Variants in PCCA observed in about 807,000 individuals in gnomAD.
PCCA encodes the protein propionyl-CoA carboxylase subunit alpha.
Under a neutral mutation model 101.3 loss-of-function variants are expected in PCCA, and 74 were observed. The ratio of observed to expected loss-of-function variants is 0.73; its 90% CI spans 0.61 to 0.89. PCCA has a LOEUF of 0.89. PCCA is among the 40% of genes least tolerant of loss of function. The pLI is 0.00. For missense variants in PCCA, 891 were observed against 907.0 expected (o/e 0.98, Z 0.23); for synonymous variants, 294 against 313.6 (o/e 0.94, Z 0.66).
chr13:100,223,387 T>C (rs993460873), intron 7 of PCCA, among the ~76,000 whole-genome samples: 3 of 152,238 alleles, frequency 2.0e-5, no homozygotes, highest in Middle Eastern at 3.4e-3. Flanking sequence ...TTCGTGGTCT[T>C]GCTGGCTCAG....
intron 21 of PCCA, among the ~76,000 whole-genome samples, chr13:100,497,367 G>A (rs1428292588): frequency 6.6e-6 from 1 of 152,156 alleles, no homozygotes; most frequent in Non-Finnish European, 1.5e-5. Flanking sequence ...TTTGAAGTAT[G>A]CATCTGAGAA....
At chr13:100,183,166 T>A (rs1047410103) in intron 6 of PCCA, among the ~76,000 whole-genome samples, 2 of 152,026 alleles carry the variant, frequency 1.3e-5, no homozygotes, top group Non-Finnish European at 2.9e-5. Flanking sequence ...GTACGAAGGA[T>A]TCATGAGGGG....
chr13:100,489,147 TACA>T (rs2152978063), intron 21 of PCCA, among the ~76,000 whole-genome samples: 1 of 140,932 alleles, frequency 7.1e-6, no homozygotes, highest in African/African-American at 2.4e-5. Flanking sequence ...CTACTAAAAA[TACA>T]AAAAAAAATT....
At chr13:100,414,689 A>G (rs576433867) in intron 19 of PCCA, among the ~76,000 whole-genome samples, 2 of 152,350 alleles carry the variant, frequency 1.3e-5, no homozygotes, top group South Asian at 4.1e-4. Context: ...TTAGTGAACT[A>G]TAATAACGTT....
intron 18 of PCCA, among the ~76,000 whole-genome samples, chr13:100,365,189 G>C (rs1215465334): frequency 3.9e-5 from 6 of 152,216 alleles, no homozygotes; most frequent in Non-Finnish European, 8.8e-5. Context: ...GATTGAATAA[G>C]TTCTCAGGTA....
chr13:100,374,334 T>G (rs2075765660), intron 19 of PCCA, among the ~76,000 whole-genome samples: 1 of 152,188 alleles, frequency 6.6e-6, no homozygotes, highest in Non-Finnish European at 1.5e-5. Flanking sequence ...GAAATATTAT[T>G]CAGCTTGTCA....
At chr13:100,371,268 G>A (rs1465326905) in intron 19 of PCCA, among the ~76,000 whole-genome samples, 3 of 152,078 alleles carry the variant, frequency 2.0e-5, no homozygotes, top group African/African-American at 7.2e-5. Context: ...CATACTTAAT[G>A]GCACCATTTA....
At chr13:100,119,701 T>G (rs1317118612) in intron 4 of PCCA, among the ~76,000 whole-genome samples, 1 of 152,112 alleles carries the variant, frequency 6.6e-6, no homozygotes, top group Admixed American at 6.5e-5. Context: ...ATGTAATCTT[T>G]GAGCCTCCTG....
chr13:100,445,185 G>A (rs939135123), intron 20 of PCCA, among the ~76,000 whole-genome samples: 5 of 152,116 alleles, frequency 3.3e-5, no homozygotes, highest in Middle Eastern at 3.2e-3. Context: ...GCTTGAACTC[G>A]CCCTCAAAGA....
At chr13:100,275,621 G>T (rs1381260182) in intron 12 of PCCA, among the ~76,000 whole-genome samples, 6 of 152,052 alleles carry the variant, frequency 3.9e-5, no homozygotes, top group African/African-American at 1.2e-4. Context: ...TGGTATTTTT[G>T]AGTTTAAATT....
chr13:100,388,884 G>A (rs569894120), intron 19 of PCCA, among the ~76,000 whole-genome samples: 1 of 152,322 alleles, frequency 6.6e-6, no homozygotes, highest in Non-Finnish European at 1.5e-5. Context: ...AATGAACAGT[G>A]GAGCCATCTG....
chr13:100,096,582 G>A (rs2046795575), intron 1 of PCCA, among the ~76,000 whole-genome samples: 7 of 152,216 alleles, frequency 4.6e-5, no homozygotes, highest in Admixed American at 4.6e-4. Flanking sequence ...AGTGAGGAAG[G>A]CCTGTCAAAA....
rs548521678 is a variant in PCCA, at chr13:100,530,272, C to T, written c.*106C>T. 75 of 889,376 alleles carry T rather than the reference C, an allele frequency of 8.4e-5. No homozygotes were observed. The Admixed American group carries it at 1.1e-3, about 13-fold the overall frequency. The allele number at this position is 889,376 out of a possible 1,614,324, so 55.1% of individuals were successfully genotyped here. ...ATACAGGAACACCCCTGTGCAGCTA[C>T]GTTTACGTCGTCATTTATTCCACAG... On this transcript the variant is annotated 3_prime_UTR_variant, in exon 24 of 24. Coordinates refer to ENST00000376285, the MANE Select transcript of PCCA (RefSeq NM_000282.4).
chr13:100,205,353 C>A (rs960275886), intron 6 of PCCA, among the ~76,000 whole-genome samples: 1 of 152,178 alleles, frequency 6.6e-6, no homozygotes, highest in Non-Finnish European at 1.5e-5. Context: ...AGCCAAGAGC[C>A]TCTAATGTTG....
At position 100,268,767 on chromosome 13, in the gene PCCA, G is replaced by T; in HGVS notation, c.898G>T (p.Val300Leu). The T allele has an allele frequency of 6.2e-7, 1 of 1,613,446 alleles. No homozygotes were observed. The highest frequency in any genetic ancestry group is 8.5e-7 in the Non-Finnish European group (1 of 1,179,328). The change falls in exon 11 of 24, where the codon GTG becomes TTG. Residue 300 changes from valine to leucine, a missense_variant. Transcript: ENST00000376285. Reference protein sequence around the residue: ...CSIQRRNQKVVEEAPSIFLDA... With the variant: ...CSIQRRNQKVLEEAPSIFLDA... Reference sequence around the variant, plus strand: ...AATTCAGAGAAGAAATCAGAAGGTGGTGGAGGAAGCACCAAGGTAAGTCTC... The same window carrying T: ...AATTCAGAGAAGAAATCAGAAGGTGTTGGAGGAAGCACCAAGGTAAGTCTC...
intron 21 of PCCA, among the ~76,000 whole-genome samples, chr13:100,507,760 G>A (rs534556445): frequency 3.9e-5 from 6 of 151,944 alleles, no homozygotes; most frequent in Admixed American, 2.0e-4. Context: ...AGGTTCAAGC[G>A]ATTCTTCTGC....
At chr13:100,287,767 T>TC (rs2064801522) in intron 12 of PCCA, among the ~76,000 whole-genome samples, 1 of 152,068 alleles carries the variant, frequency 6.6e-6, no homozygotes, top group Non-Finnish European at 1.5e-5. Flanking sequence ...TACCATAGCT[T>TC]CATGATTAGT....
chr13:100,257,748 G>C, intron 9 of PCCA, 75 bp downstream of exon 9: 1 of 966,672 alleles, frequency 1.0e-6, no homozygotes, highest in Non-Finnish European at 1.7e-6. Flanking sequence ...CAGGTAAACA[G>C]ATACCAAAAG....
chr13:100,246,618 A>T (rs2061442274), intron 8 of PCCA, among the ~76,000 whole-genome samples: 1 of 152,060 alleles, frequency 6.6e-6, no homozygotes, highest in African/African-American at 2.4e-5. Flanking sequence ...GTGAGCCACC[A>T]TGCCAAGCCT....
Sources: gnomAD v4.1 joint callset for allele counts (sites outside exome capture counted in the v4.1 genomes callset) on GRCh38, gnomAD v4.1.1 for gene constraint, MANE v1.5 for transcripts, NCBI Gene and HGNC (gene_info 2026-07-23, HGNC 2026-07-21) for gene names.